P2RY12: variants seen among roughly 807,000 people sequenced by gnomAD.
P2RY12 encodes P2Y purinoceptor 12.
Under a neutral mutation model 4.5 loss-of-function variants are expected in P2RY12, and 3 were observed. That is an observed-to-expected ratio of 0.67 (90% CI 0.31 to 1.74). The LOEUF is 1.74. P2RY12 is among the 40% of genes most tolerant of loss of function. The probability of loss-of-function intolerance (pLI) is 0.09; values close to 1 mark genes in which losing one functional copy is unlikely to be tolerated. For synonymous variants in P2RY12, 148 were observed against 154.1 expected, an observed-to-expected ratio of 0.96 and a Z score of 0.29; for missense variants, 356 against 407.8, an observed-to-expected ratio of 0.87 and a Z score of 1.09.
intron 1 of P2RY12, chr3:151,368,244 A>G: frequency 6.2e-7 from 1 of 1,613,642 alleles, no homozygotes; most frequent in Non-Finnish European, 8.5e-7. Flanking sequence ...TCTTACCTCA[A>G]GCAACGGGTG....
intron 1 of P2RY12, among the ~76,000 whole-genome samples, chr3:151,376,465 G>C: frequency 6.6e-6 from 1 of 152,176 alleles, no homozygotes; most frequent in East Asian, 1.9e-4. Context: ...ATGCTTCAGA[G>C]AGGGGCTATG....
chr3:151,384,435 T>C (rs534710599), intron 1 of P2RY12, among the ~76,000 whole-genome samples: 1 of 152,350 alleles, frequency 6.6e-6, no homozygotes, highest in Non-Finnish European at 1.5e-5. Flanking sequence ...TTATAAAACA[T>C]GTTTAATTTT....
chr3:151,360,909 T>C (rs924510403), intron 1 of P2RY12, among the ~76,000 whole-genome samples: 1 of 152,162 alleles, frequency 6.6e-6, no homozygotes, highest in Non-Finnish European at 1.5e-5. Flanking sequence ...TTACATTTTC[T>C]ATATGTTGTA....
chr3:151,350,094 A>T (rs753931672), intron 1 of P2RY12: 1 of 1,613,252 alleles, frequency 6.2e-7, no homozygotes, highest in East Asian at 2.2e-5. Flanking sequence ...ACCAGCGCAC[A>T]ATCCTTCTCT....
At chr3:151,340,998 G>A (rs1278340854) in intron 1 of P2RY12, 1 of 152,232 alleles carries the variant, frequency 6.6e-6, no homozygotes, top group East Asian at 1.9e-4. Context: ...ATAACTTCGA[G>A]TTATGGTTAT....
At chr3:151,371,359 T>C (rs550504269) in intron 1 of P2RY12, among the ~76,000 whole-genome samples, 1 of 152,332 alleles carries the variant, frequency 6.6e-6, no homozygotes, top group Admixed American at 6.5e-5. Context: ...CATACTACAT[T>C]TTGGTACTTG....
rs1156417354 is a variant in P2RY12 at position 151,377,273 on chromosome 3, A to G, written c.-180+7419T>C. Reference sequence around the variant, plus strand: ...CAGTGATTTTTCTTTAAGTCATAGGAATGTGAAGAACATAGTTACTTGTAA... The same window carrying G: ...CAGTGATTTTTCTTTAAGTCATAGGGATGTGAAGAACATAGTTACTTGTAA... On this transcript the variant is annotated intron_variant, in intron 1 of 2. Transcript: ENST00000302632. The G allele has an allele frequency of 7.4e-6, 7 of 944,642 alleles. No individual in the cohort carries two copies. In the East Asian group the frequency reaches 1.0e-4, roughly 14 times the overall value. The allele number at this position is 944,642 out of a possible 1,614,324, so 58.5% of individuals were successfully genotyped here.
At position 151,340,772 on chromosome 3, in the gene P2RY12, TAGA is replaced by T. The variant is rs1751707352; in HGVS notation, c.-179-15_-179-13del. ...AAGTCTTGAGTGCTCTAGAGAGAAA[TAGA>T]AGGAGAGAAAAAGAGGGCTTCACAA... On this transcript the variant is annotated splice_polypyrimidine_tract_variant and intron_variant, in intron 1 of 2. Coordinates refer to ENST00000302632, the MANE Select transcript of P2RY12 (RefSeq NM_022788.5). The T allele has an allele frequency of 1.3e-5, 2 of 152,676 alleles. No homozygotes were observed. The highest frequency in any genetic ancestry group is 6.5e-5 in the Admixed American group (1 of 15,278). 9.5% of individuals were successfully genotyped at this position (152,676 alleles called of 1,614,324 possible).
At chr3:151,339,227 GCCTTTTAGCTTT>G (rs1751460675) in intron 2 of P2RY12, among the ~76,000 whole-genome samples, 1 of 152,002 alleles carries the variant, frequency 6.6e-6, no homozygotes. Flanking sequence ...TCCCCTCCAT[GCCTTTTAGCTTT>G]TTGGTTTCTA....
At chr3:151,369,673 C>T (rs549340384) in intron 1 of P2RY12, 90 of 600,818 alleles carry the variant, frequency 1.5e-4, no homozygotes, top group Non-Finnish European at 2.0e-4. Context: ...GCTTATTCTC[C>T]TGGAAAAATT....
intron 1 of P2RY12, among the ~76,000 whole-genome samples, chr3:151,350,661 C>A (rs1753113068): frequency 6.6e-6 from 1 of 152,082 alleles, no homozygotes. Context: ...ATCATGACAG[C>A]ATATTTGCTC....
intron 1 of P2RY12, among the ~76,000 whole-genome samples, chr3:151,383,090 A>C (rs1712690784): frequency 6.6e-6 from 1 of 152,242 alleles, no homozygotes. Flanking sequence ...ACCATTTAAA[A>C]AGTCTTTTAA....
chr3:151,358,912 G>C (rs571247888), intron 1 of P2RY12, among the ~76,000 whole-genome samples: 1 of 152,020 alleles, frequency 6.6e-6, no homozygotes, highest in African/African-American at 2.4e-5. Flanking sequence ...ATAATTTTTC[G>C]CTTTATAGAT....
intron 1 of P2RY12, among the ~76,000 whole-genome samples, chr3:151,361,607 T>C (rs1754623214): frequency 6.6e-6 from 1 of 152,170 alleles, no homozygotes; most frequent in African/African-American, 2.4e-5. Context: ...AGTTGTATTT[T>C]TATAAATATT....
At chr3:151,364,038 A>G (rs745814231) in intron 1 of P2RY12, among the ~76,000 whole-genome samples, 1 of 152,182 alleles carries the variant, frequency 6.6e-6, no homozygotes, top group Non-Finnish European at 1.5e-5. Flanking sequence ...ACAAACCACA[A>G]ATACTTTTGC....
At chr3:151,345,771 C>A (rs557421892) in intron 1 of P2RY12, among the ~76,000 whole-genome samples, 90 of 152,224 alleles carry the variant, frequency 5.9e-4, no homozygotes, top group African/African-American at 2.1e-3. Context: ...TCCACCTCAG[C>A]CTCCCAAAGT....
intron 1 of P2RY12, chr3:151,372,605 A>G (rs1248846276): frequency 6.2e-7 from 1 of 1,613,924 alleles, no homozygotes; most frequent in Admixed American, 1.7e-5. Context: ...CAGCTCTTTA[A>G]AGAATGATGA....
At chr3:151,382,505 T>C (rs1350239820) in intron 1 of P2RY12, 1 of 490,572 alleles carries the variant, frequency 2.0e-6, no homozygotes, top group Non-Finnish European at 3.7e-6. Flanking sequence ...TCTTTCTGCA[T>C]GGAGGAAGAA....
chr3:151,373,781 AT>A (rs1331776699), intron 1 of P2RY12, among the ~76,000 whole-genome samples: 2 of 152,172 alleles, frequency 1.3e-5, no homozygotes, highest in Non-Finnish European at 2.9e-5. Flanking sequence ...TGGTATTTTC[AT>A]AGTTTCTGGC....
Sources: gnomAD v4.1 joint callset for allele counts (sites outside exome capture counted in the v4.1 genomes callset) on GRCh38, gnomAD v4.1.1 for gene constraint, MANE v1.5 for transcripts, NCBI Gene and HGNC (gene_info 2026-07-23, HGNC 2026-07-21) for gene names.